RANBP3L: variants seen among roughly 807,000 people sequenced by gnomAD.
The protein encoded by RANBP3L is RAN binding protein 3 like, also known as ran-binding protein 3-like.
A neutral mutation model predicts 67.2 loss-of-function variants in RANBP3L; 56 were observed. The ratio of observed to expected loss-of-function variants is 0.83; its 90% CI spans 0.67 to 1.04. The LOEUF (loss-of-function observed/expected upper bound fraction) is 1.04, where lower values mean the gene tolerates loss of function less well. RANBP3L is among the 50% of genes least tolerant of loss of function. The pLI, the probability that RANBP3L is intolerant of heterozygous loss-of-function variation, is 0.00. For missense variants in RANBP3L, 496 were observed against 535.5 expected, an observed-to-expected ratio of 0.93 and a Z score of 0.73; for synonymous variants, 164 against 181.4, an observed-to-expected ratio of 0.90 and a Z score of 0.77.
chr5:36,286,908 T>C (rs1469112316), intron 1 of RANBP3L, among the ~76,000 whole-genome samples: 2 of 152,186 alleles, frequency 1.3e-5, no homozygotes, highest in Admixed American at 6.5e-5. Context: ...CCTGCTTAAA[T>C]CAGATCTCCA....
intron 1 of RANBP3L, among the ~76,000 whole-genome samples, chr5:36,285,277 C>CA (rs1338976050): frequency 1.3e-5 from 2 of 152,174 alleles, no homozygotes; most frequent in African/African-American, 4.8e-5. Context: ...TAATTCTTGG[C>CA]AAATCTCAGA....
rs551335865 is a variant in RANBP3L at position 36,286,883 on chromosome 5, G to GTC, written c.91+14441_91+14442dup. 3.5e-3 allele frequency among the ~76,000 whole-genome samples: 540 copies of GTC among 152,238 alleles called. 3 individuals are homozygous for GTC. Among genetic ancestry groups the GTC allele is most frequent in the Middle Eastern group, 0.031 (9 of 294 alleles). Reference sequence around the variant, plus strand: ...TACTCAAATTCACCTTCTTAATGAGGTCTTCCCTGAGCACCCTGCTTAAAT... The same window carrying GTC: ...TACTCAAATTCACCTTCTTAATGAGGTCTCTTCCCTGAGCACCCTGCTTAAAT... On this transcript the variant is annotated intron_variant, in intron 1 of 13. Coordinates refer to ENST00000296604, the MANE Select transcript of RANBP3L (RefSeq NM_145000.5).
chr5:36,278,103 G>A (rs1173142818), intron 1 of RANBP3L, among the ~76,000 whole-genome samples: 1 of 152,148 alleles, frequency 6.6e-6, no homozygotes, highest in Non-Finnish European at 1.5e-5. Flanking sequence ...GGAGATTTGG[G>A]TGGGGACACA....
intron 4 of RANBP3L, among the ~76,000 whole-genome samples, chr5:36,267,048 C>T (rs553545252): frequency 1.2e-4 from 19 of 152,278 alleles, no homozygotes; most frequent in African/African-American, 4.3e-4. Flanking sequence ...TGAGCCAACA[C>T]GCCCAGCCAG....
intron 1 of RANBP3L, among the ~76,000 whole-genome samples, chr5:36,294,104 T>C (rs1752013340): frequency 6.6e-6 from 1 of 152,190 alleles, no homozygotes; most frequent in Non-Finnish European, 1.5e-5. Context: ...ATTCAGAGAT[T>C]CAACTTCTTC....
At chr5:36,254,177 A>G (rs1222516535) in intron 11 of RANBP3L, among the ~76,000 whole-genome samples, 1 of 149,488 alleles carries the variant, frequency 6.7e-6, no homozygotes, top group East Asian at 2.0e-4. Flanking sequence ...AATATTATGA[A>G]CCCATTAAGA....
rs1579737961 is a variant in RANBP3L at position 36,276,626 on chromosome 5, T to A, written c.92-5315A>T. ...TATTTTATGTACTATATACCCCCCC[T>A]AATTTTGGGTGGGTTATAAGGTGTC... is the stretch of plus-strand genomic sequence containing the variant. On this transcript the variant is annotated intron_variant, in intron 1 of 13. Transcript: ENST00000296604. 6.6e-5 allele frequency among the ~76,000 whole-genome samples: 10 copies of A among 152,198 alleles called. No individual in the cohort carries two copies. The South Asian group carries it at 2.1e-3, about 32-fold the overall frequency.
chr5:36,249,757 T>C, intron 13 of RANBP3L, 60 bp from the exon 14 acceptor site: 1 of 835,440 alleles, frequency 1.2e-6, no homozygotes, highest in Non-Finnish European at 1.9e-6. Context: ...AGATTTTTAA[T>C]ATTGAATGCA....
At chr5:36,272,738 G>A (rs557606709) in intron 1 of RANBP3L, among the ~76,000 whole-genome samples, 144 of 152,106 alleles carry the variant, frequency 9.5e-4, no homozygotes, top group African/African-American at 3.1e-3. Flanking sequence ...TCCACCTCCC[G>A]GATTGAAGCG....
intron 1 of RANBP3L, among the ~76,000 whole-genome samples, chr5:36,294,885 C>CA (rs1752087184): frequency 1.4e-5 from 2 of 146,568 alleles, no homozygotes; most frequent in Admixed American, 1.4e-4. Flanking sequence ...TATATATACA[C>CA]TATATATACA....
intron 1 of RANBP3L, among the ~76,000 whole-genome samples, chr5:36,290,726 C>CTTT (rs61105686): frequency 9.2e-4 from 51 of 55,440 alleles, no homozygotes; most frequent in Non-Finnish European, 1.3e-3. Context: ...ACAACCATGG[C>CTTT]TTTTTTTTTT....
At chr5:36,253,410 T>C (rs1748733770) in intron 12 of RANBP3L, among the ~76,000 whole-genome samples, 1 of 152,126 alleles carries the variant, frequency 6.6e-6, no homozygotes, top group South Asian at 2.1e-4. Context: ...GGCTAGAGAT[T>C]TGATGGCATG....
In RANBP3L at chr5:36,296,313, C is replaced by A. The variant is rs542358950; in HGVS notation, c.91+5013G>T. On this transcript the variant is annotated intron_variant, in intron 1 of 13. Coordinates refer to ENST00000296604, the MANE Select transcript of RANBP3L (RefSeq NM_145000.5). ...TTTGTTGTTGGAATCTGAAACGGGG[C>A]AGTCTTATGGGACTAAGTCCTTCAT... Among the ~76,000 whole-genome samples the A allele has an allele frequency of 2.0e-4, 31 of 152,222 alleles. 1 individual carries two copies. In the South Asian group the frequency reaches 6.4e-3, roughly 32 times the overall value.
Position 36,265,621 on chromosome 5 carries a change from C to T in RANBP3L, c.269-101G>A, listed in dbSNP as rs1019204745. 9.3e-6 allele frequency: 6 copies of T among 643,504 alleles called. No individual in the cohort carries two copies. The African/African-American group carries it at 1.1e-4, about 12-fold the overall frequency. The allele number at this position is 643,504 out of a possible 1,614,324, so 39.9% of individuals were successfully genotyped here. A position where few individuals can be genotyped will look rare whatever the true frequency, so the allele number is the denominator to read the frequency against. ...CCATTCCGAACTCACCAGCAGATGT[C>T]GCAATTGGCACTAACAGAGTAGTAG... On this transcript the variant is annotated intron_variant, in intron 4 of 13. Coordinates refer to ENST00000296604, the MANE Select transcript of RANBP3L (RefSeq NM_145000.5).
intron 7 of RANBP3L, 100 bp from the exon 8 acceptor site, chr5:36,260,964 A>G: frequency 1.6e-6 from 1 of 614,216 alleles, no homozygotes; most frequent in South Asian, 2.0e-5. Flanking sequence ...TGTAAATCAA[A>G]TTTACTGCTC....
chr5:36,269,487 A>G lies in RANBP3L; in HGVS notation c.191-20T>C, dbSNP rs528126315. 3.7e-6 allele frequency: 5 copies of G among 1,357,264 alleles called. No individual in the cohort carries two copies. The South Asian group carries it at 4.7e-5, about 13-fold the overall frequency. 84.1% of individuals were successfully genotyped at this position (1,357,264 alleles called of 1,614,324 possible). A position where few individuals can be genotyped will look rare whatever the true frequency, so the allele number is the denominator to read the frequency against. ...TACATTCTGCAAGAAAAGCAATGGA[A>G]AGGCTAAAATTACTTGTGATAATAA... is the stretch of plus-strand genomic sequence containing the variant. On this transcript the variant is annotated intron_variant, in intron 3 of 13. Coordinates refer to ENST00000296604, the MANE Select transcript of RANBP3L (RefSeq NM_145000.5).
intron 6 of RANBP3L, among the ~76,000 whole-genome samples, chr5:36,263,111 G>A (rs905849317): frequency 6.6e-6 from 1 of 151,828 alleles, no homozygotes; most frequent in African/African-American, 2.4e-5. Context: ...TTCTTACATA[G>A]GATCTTATAT....
intron 8 of RANBP3L, among the ~76,000 whole-genome samples, chr5:36,258,050 A>T (rs73751625): frequency 0.046 from 7,068 of 152,182 alleles, 542 homozygotes; most frequent in African/African-American, 0.16. Flanking sequence ...TATCCCCAGA[A>T]ATTTACTCTT....
chr5:36,290,726 C>CTTTTTTTTTTTTTTT (rs61105686), intron 1 of RANBP3L, among the ~76,000 whole-genome samples: 1 of 55,434 alleles, frequency 1.8e-5, no homozygotes, highest in Non-Finnish European at 3.1e-5. Context: ...ACAACCATGG[C>CTTTTTTTTTTTTTTT]TTTTTTTTTT....
Sources: allele counts gnomAD v4.1 joint callset (sites outside exome capture counted in the v4.1 genomes callset), GRCh38; gene constraint gnomAD v4.1.1; transcripts MANE v1.5; gene names NCBI Gene and HGNC (gene_info 2026-07-23, HGNC 2026-07-21).